The following TALDO1 variants were observed in gnomAD, a reference collection of about 807,000 sequenced individuals.
TALDO1 encodes the protein transaldolase 1.
TALDO1 carries 29 observed loss-of-function variants against 38.1 expected under a neutral mutation model. The observed-to-expected ratio is 0.76, with a 90% CI of 0.57 to 1.04. TALDO1 has a LOEUF of 1.04. Ranked by LOEUF, TALDO1 falls within the 50% of genes least tolerant of loss-of-function variation. TALDO1 has a pLI of 0.00. For synonymous variants in TALDO1, 207 were observed against 176.8 expected (o/e 1.17, Z -1.36); for missense variants, 499 against 438.1 (o/e 1.14, Z -1.24).
chr11:762,002 C>G (rs1273515001), intron 4 of TALDO1, among the ~76,000 whole-genome samples: 1 of 151,512 alleles, frequency 6.6e-6, no homozygotes, highest in African/African-American at 2.4e-5. Context: ...GAGTTTCATT[C>G]TCGTCCATGC....
chr11:764,117 C>A, intron 6 of TALDO1, 171 bp from the exon 7 acceptor site: 2 of 1,381,550 alleles, frequency 1.4e-6, no homozygotes, highest in Non-Finnish European at 1.0e-6. Flanking sequence ...TCACTCAAGT[C>A]ATCAGCCAAG....
intron 4 of TALDO1, among the ~76,000 whole-genome samples, chr11:762,153 T>C (rs761202328): frequency 2.0e-5 from 3 of 151,818 alleles, no homozygotes; most frequent in Non-Finnish European, 2.9e-5. Context: ...TTAGTAGAGA[T>C]GGGGTTTCTC....
At chr11:751,485 C>T (rs928153235) in intron 1 of TALDO1, among the ~76,000 whole-genome samples, 3 of 152,082 alleles carry the variant, frequency 2.0e-5, no homozygotes, top group Admixed American at 2.0e-4. Flanking sequence ...GCCTGGGCAA[C>T]ACAGTGAGAC....
rs778240722 is a variant in TALDO1, at chr11:763,501, G to A, written c.619G>A (p.Glu207Lys). 1.9e-6 allele frequency: 3 copies of A among 1,613,652 alleles called. No individual in the cohort carries two copies. In the South Asian group the frequency reaches 3.3e-5, roughly 18 times the overall value. Residue 207 changes from glutamate (E) to lysine (K), a missense_variant, in exon 5 of 8, where the codon GAG becomes AAG. Coordinates refer to ENST00000319006, the MANE Select transcript of TALDO1 (RefSeq NM_006755.2). Reference protein sequence around the residue: ...HVANTDKKSYEPLEDPGVKSV... With the variant: ...HVANTDKKSYKPLEDPGVKSV... ...GGCAAACACCGACAAGAAATCCTAT[G>A]AGCCCCTGGAAGACCCTGGTGAGGG...
chr11:755,803 T>G, intron 1 of TALDO1, 76 bp from the exon 2 acceptor site: 1 of 1,610,732 alleles, frequency 6.2e-7, no homozygotes, highest in Non-Finnish European at 8.5e-7. Flanking sequence ...CCTGGGGAAT[T>G]ACAGGGTTCC....
At chr11:760,409 C>A in intron 4 of TALDO1, 156 bp downstream of exon 4, 1 of 1,103,064 alleles carries the variant, frequency 9.1e-7, no homozygotes, top group Admixed American at 2.0e-5. Flanking sequence ...TCATGTCAGC[C>A]TAGATCTGCC....
chr11:757,935 G>C (rs1441281147), intron 2 of TALDO1, among the ~76,000 whole-genome samples: 1 of 152,152 alleles, frequency 6.6e-6, no homozygotes. Context: ...CTAAGAGTTC[G>C]AGAACAGTCT....
intron 2 of TALDO1, 196 bp downstream of exon 2, chr11:756,198 T>C: frequency 1.3e-6 from 1 of 782,570 alleles, no homozygotes; most frequent in Non-Finnish European, 2.0e-6. Flanking sequence ...AAATGAGCAG[T>C]TCAGAGAGTT....
intron 2 of TALDO1, 55 bp from the exon 3 acceptor site, chr11:758,895 G>T: frequency 2.0e-6 from 3 of 1,485,912 alleles, no homozygotes; most frequent in Non-Finnish European, 2.8e-6. Flanking sequence ...GTGAGCCACC[G>T]CACCTGGCGA....
rs1360248607 is a variant in TALDO1 at position 764,908 on chromosome 11, G to A, written c.*63G>A. On this transcript the variant is annotated 3_prime_UTR_variant, in exon 8 of 8. Transcript: ENST00000319006. ...GCCAGCTGGGATCTGACTGCACGTG[G>A]CTTCTGATGAATCTTGCGTTTTTTA... The A allele has an allele frequency of 1.1e-5, 17 of 1,605,926 alleles. No individual in the cohort carries two copies. Among genetic ancestry groups the A allele is most frequent in the Non-Finnish European group, 1.4e-5 (16 of 1,173,602 alleles).
At chr11:756,175 C>A in intron 2 of TALDO1, 173 bp downstream of exon 2, 1 of 917,362 alleles carries the variant, frequency 1.1e-6, no homozygotes, top group Non-Finnish European at 1.6e-6. Context: ...ATGAAGTAAC[C>A]TGCACCTGTG....
At chr11:764,205 G>C (rs1307747399) in intron 6 of TALDO1, 83 bp from the exon 7 acceptor site, 1 of 1,607,494 alleles carries the variant, frequency 6.2e-7, no homozygotes, top group African/African-American at 1.3e-5. Flanking sequence ...ATGCTTGGGT[G>C]CAGCAGTTCA....
intron 3 of TALDO1, among the ~76,000 whole-genome samples, chr11:759,365 G>A (rs1037185200): frequency 7.2e-5 from 11 of 152,122 alleles, no homozygotes; most frequent in African/African-American, 2.2e-4. Context: ...GGCTTGAAGC[G>A]TTTCTCTGCC....
At chr11:755,135 C>CTTTT (rs71022966) in intron 1 of TALDO1, among the ~76,000 whole-genome samples, 6 of 59,650 alleles carry the variant, frequency 1.0e-4, no homozygotes, top group African/African-American at 1.4e-4. Context: ...TCCCCTTGGC[C>CTTTT]TTTTTTTTTT....
rs182491274 is a variant in TALDO1, at chr11:764,905, G to A, written c.*60G>A. 730 of 1,608,500 alleles carry A rather than the reference G, an allele frequency of 4.5e-4. 4 individuals carry two copies. The African/African-American group carries it at 8.8e-3, about 19-fold the overall frequency. On this transcript the variant is annotated 3_prime_UTR_variant, in exon 8 of 8. Coordinates refer to ENST00000319006, the MANE Select transcript of TALDO1 (RefSeq NM_006755.2). ...CCGGCCAGCTGGGATCTGACTGCAC[G>A]TGGCTTCTGATGAATCTTGCGTTTT...
chr11:753,302 C>T (rs1426876467), intron 1 of TALDO1, among the ~76,000 whole-genome samples: 5 of 151,930 alleles, frequency 3.3e-5, no homozygotes, highest in South Asian at 4.2e-4. Flanking sequence ...GAGGCTGAGG[C>T]GGGCGGATCA....
chr11:764,715 C>G, intron 7 of TALDO1, 98 bp from the exon 8 acceptor site: 1 of 1,587,400 alleles, frequency 6.3e-7, no homozygotes, highest in Admixed American at 1.7e-5. Context: ...GAGTGCAGAC[C>G]CCACAAGGGC....
At chr11:755,768 GA>G (rs1276474500) in intron 1 of TALDO1, 110 bp from the exon 2 acceptor site, 12 of 1,550,048 alleles carry the variant, frequency 7.7e-6, no homozygotes, top group African/African-American at 1.4e-5. Flanking sequence ...CCCGCTTTCG[GA>G]AATGCTCTGG....
At chr11:753,403 C>T (rs944078701) in intron 1 of TALDO1, among the ~76,000 whole-genome samples, 3 of 151,982 alleles carry the variant, frequency 2.0e-5, no homozygotes, top group East Asian at 3.9e-4. Flanking sequence ...CAGTGGCGGG[C>T]GCCTGTAGTC....
Sources: allele counts gnomAD v4.1 joint callset (sites outside exome capture counted in the v4.1 genomes callset), GRCh38; gene constraint gnomAD v4.1.1; transcripts MANE v1.5; gene names NCBI Gene and HGNC (gene_info 2026-07-23, HGNC 2026-07-21).